The following INPP5A variants were observed in gnomAD, a reference collection of about 807,000 sequenced individuals.
The protein encoded by INPP5A is 43 kDa inositol polyphosphate 5-phophatase.
INPP5A carries 14 observed loss-of-function variants against 65.2 expected under a neutral mutation model. That is an observed-to-expected ratio of 0.21 (90% confidence interval 0.14 to 0.34). The LOEUF (loss-of-function observed/expected upper bound fraction) is 0.34. INPP5A is among the 10% of genes least tolerant of loss of function. INPP5A has a pLI of 1.00. For synonymous variants in INPP5A, 207 were observed against 208.3 expected (o/e 0.99, Z 0.05); for missense variants, 431 against 545.6 (o/e 0.79, Z 2.09).
At chr10:132,737,145 C>T (rs1327994063) in intron 9 of INPP5A, among the ~76,000 whole-genome samples, 7 of 152,238 alleles carry the variant, frequency 4.6e-5, no homozygotes, top group Non-Finnish European at 7.3e-5. Context: ...CTGCAGTCGG[C>T]GCAGCCCTCC....
At chr10:132,613,981 T>C (rs1168529699) in intron 2 of INPP5A, among the ~76,000 whole-genome samples, 4 of 152,256 alleles carry the variant, frequency 2.6e-5, no homozygotes, top group Non-Finnish European at 5.9e-5. Flanking sequence ...CTTCATGGTC[T>C]TTTAGAAACC....
chr10:132,772,458 C>T (rs1414588584), intron 12 of INPP5A, among the ~76,000 whole-genome samples: 3 of 133,074 alleles, frequency 2.3e-5, no homozygotes, highest in African/African-American at 8.6e-5. Flanking sequence ...CCACGGCAGC[C>T]ACCCCATGAA....
At chr10:132,610,370 T>C (rs552926994) in intron 2 of INPP5A, among the ~76,000 whole-genome samples, 1 of 140,554 alleles carries the variant, frequency 7.1e-6, no homozygotes, top group African/African-American at 2.6e-5. Context: ...GGGTGGGGGG[T>C]GGGGGGCGGT....
chr10:132,538,674 A>G lies in INPP5A; in HGVS notation c.75+503A>G, dbSNP rs527620956. On this transcript the variant is annotated intron_variant, in intron 1 of 15. Transcript: ENST00000368594. This position sits in a 1 kb window ranked among gnomAD's most constrained non-coding sequence, Gnocchi z 4.1. ...CCAGGTCCATGGTCACTGGAACCAC[A>G]AATCCTGACTGCAGAACTCTGGTTA... 8.6e-5 allele frequency among the ~76,000 whole-genome samples: 13 copies of G among 152,034 alleles called. No homozygotes were observed. Among genetic ancestry groups the G allele is most frequent in the African/African-American group, 3.1e-4 (13 of 41,444 alleles).
intron 2 of INPP5A, among the ~76,000 whole-genome samples, chr10:132,636,610 G>GC (rs1245190509): frequency 6.6e-6 from 1 of 152,230 alleles, no homozygotes; most frequent in Non-Finnish European, 1.5e-5. Flanking sequence ...CCTTGGGGCT[G>GC]CCCTTGCGCT....
intron 11 of INPP5A, among the ~76,000 whole-genome samples, chr10:132,756,821 C>T (rs1294712272): frequency 1.3e-5 from 2 of 152,232 alleles, no homozygotes; most frequent in Non-Finnish European, 2.9e-5. Flanking sequence ...AGGCTGCATG[C>T]GGGTGGTTGC....
intron 1 of INPP5A, among the ~76,000 whole-genome samples, chr10:132,576,128 C>G (rs1590841600): frequency 6.6e-6 from 1 of 152,204 alleles, no homozygotes; most frequent in East Asian, 1.9e-4. Flanking sequence ...CGGCCCAGCC[C>G]TGGGCCCTCC....
At chr10:132,719,944 G>T (rs1364483706) in intron 8 of INPP5A, among the ~76,000 whole-genome samples, 1 of 148,498 alleles carries the variant, frequency 6.7e-6, no homozygotes, top group Non-Finnish European at 1.5e-5. Context: ...CTGTCTTCAG[G>T]GTTCTGTGGT....
chr10:132,778,767 G>A (rs919846271), intron 13 of INPP5A, among the ~76,000 whole-genome samples: 7 of 152,110 alleles, frequency 4.6e-5, no homozygotes, highest in Admixed American at 1.3e-4. Flanking sequence ...TACTAACCCC[G>A]ACTTCAACAC....
rs1377252747 is a variant in INPP5A, at chr10:132,681,163, T to G, written c.307-9229T>G. 2.6e-5 allele frequency among the ~76,000 whole-genome samples: 4 copies of G among 152,196 alleles called. No individual in the cohort carries two copies. The East Asian group carries it at 5.8e-4, about 22-fold the overall frequency. On this transcript the variant is annotated intron_variant, in intron 4 of 15. Transcript: ENST00000368594. ...GAACCTTTGTATCTAGCTCAGGGAT[T>G]GTAAACGCACCAATCAGCGCCCTGT...
chr10:132,737,434 C>T (rs1846197690), intron 9 of INPP5A, among the ~76,000 whole-genome samples: 1 of 145,226 alleles, frequency 6.9e-6, no homozygotes, highest in African/African-American at 2.9e-5. Context: ...TTAATGTTAG[C>T]GCAGCCCTGT....
At chr10:132,708,212 T>C in intron 6 of INPP5A, 101 bp from the exon 7 acceptor site, 2 of 1,027,712 alleles carry the variant, frequency 1.9e-6, no homozygotes, top group Non-Finnish European at 3.0e-6. Context: ...CTGCTGTTTT[T>C]TGTTTGGAAA....
chr10:132,563,971 CT>C (rs1452736158), intron 1 of INPP5A, among the ~76,000 whole-genome samples: 2 of 152,190 alleles, frequency 1.3e-5, no homozygotes, highest in East Asian at 1.9e-4. Context: ...TGGTTCATAC[CT>C]GAACCGAGAG....
chr10:132,612,940 G>A (rs980695570), intron 2 of INPP5A, among the ~76,000 whole-genome samples: 14 of 152,116 alleles, frequency 9.2e-5, no homozygotes, highest in African/African-American at 2.7e-4. Flanking sequence ...GACAGTTCCC[G>A]CGCATTCGGG....
chr10:132,764,456 G>A (rs1182460362), intron 11 of INPP5A, among the ~76,000 whole-genome samples: 1 of 147,584 alleles, frequency 6.8e-6, no homozygotes, highest in Non-Finnish European at 1.5e-5. Context: ...TGTGCGTGGT[G>A]ACACTCAGAA....
At chr10:132,579,741 G>A (rs972051851) in intron 1 of INPP5A, among the ~76,000 whole-genome samples, 1 of 152,062 alleles carries the variant, frequency 6.6e-6, no homozygotes, top group Non-Finnish European at 1.5e-5. Flanking sequence ...CTCCCATAGC[G>A]ATTGATGGGG....
rs2071797168 is a variant in INPP5A, at chr10:132,603,042, G to C, written c.76-4873G>C. ...TGGAATAAAGAAAGGATCTAATATA[G>C]CATTTTAAAAGTAAATATTTAACTA... On this transcript the variant is annotated intron_variant, in intron 1 of 15. Coordinates refer to ENST00000368594, the MANE Select transcript of INPP5A (RefSeq NM_005539.5). The surrounding 1 kb of genome is among the most constrained non-coding windows in gnomAD (Gnocchi z 4.2). Among the ~76,000 whole-genome samples, 1 of 152,148 alleles carries C rather than the reference G, an allele frequency of 6.6e-6. No homozygotes were observed. Among genetic ancestry groups the C allele is most frequent in the Non-Finnish European group, 1.5e-5 (1 of 68,028 alleles).
At chr10:132,777,940 C>T in intron 13 of INPP5A, 158 bp downstream of exon 13, 1 of 1,461,352 alleles carries the variant, frequency 6.8e-7, no homozygotes, top group South Asian at 1.4e-5. Context: ...AGCTGCACCC[C>T]AGCATTGGGT....
At chr10:132,745,231 G>A (rs1012482507) in intron 9 of INPP5A, among the ~76,000 whole-genome samples, 1 of 152,160 alleles carries the variant, frequency 6.6e-6, no homozygotes, top group Non-Finnish European at 1.5e-5. Flanking sequence ...GCGAGCTCCT[G>A]GAGGCCACGA....
Sources: gnomAD v4.1 joint callset for allele counts (sites outside exome capture counted in the v4.1 genomes callset) on GRCh38, gnomAD v4.1.1 for gene constraint, Gnocchi (gnomAD v3.1) non-coding constraint, MANE v1.5 for transcripts, NCBI Gene and HGNC (gene_info 2026-07-23, HGNC 2026-07-21) for gene names.